Variants in KCTD16 observed in about 807,000 individuals in gnomAD.
KCTD16 encodes potassium channel tetramerization domain containing 16.
In KCTD16, 13 loss-of-function variants were observed where a neutral mutation model predicts 33.2. The observed-to-expected ratio is 0.39, with a 90% CI of 0.25 to 0.62. The LOEUF is 0.62. Ranked by LOEUF, KCTD16 falls within the 20% of genes least tolerant of loss-of-function variation. KCTD16 has a pLI of 0.50. For missense variants in KCTD16, 441 were observed against 525.1 expected (o/e 0.84, Z 1.57); for synonymous variants, 197 against 195.3 (o/e 1.01, Z -0.07).
intron 3 of KCTD16, among the ~76,000 whole-genome samples, chr5:144,364,905 G>A (rs1751797653): frequency 6.6e-6 from 1 of 152,066 alleles, no homozygotes; most frequent in Non-Finnish European, 1.5e-5. Flanking sequence ...AAGCAATCTG[G>A]GTAGTAGGTT....
intron 3 of KCTD16, among the ~76,000 whole-genome samples, chr5:144,250,905 G>A (rs879370483): frequency 2.0e-5 from 3 of 151,954 alleles, no homozygotes; most frequent in African/African-American, 7.3e-5. Context: ...TTTAGCATAT[G>A]GTAATTGAAA....
intron 3 of KCTD16, among the ~76,000 whole-genome samples, chr5:144,291,147 G>A (rs1256942408): frequency 6.6e-6 from 1 of 152,152 alleles, no homozygotes; most frequent in African/African-American, 2.4e-5. Flanking sequence ...AGCTGATGGA[G>A]CAGAAAGAGC....
chr5:144,372,080 G>A (rs923380955), intron 3 of KCTD16, among the ~76,000 whole-genome samples: 11 of 152,094 alleles, frequency 7.2e-5, no homozygotes, highest in African/African-American at 2.2e-4. Context: ...AGGAAGGGTC[G>A]GGAGGTTGCT....
rs1753176667 is a variant in KCTD16 at position 144,206,549 on chromosome 5, T to C, written c.-166T>C. Reference sequence around the variant, plus strand: ...TCAGCATCACTTCACCTGTGGACTCTTATACATTTTGATTTCTTGGGGGAA... The same window carrying C: ...TCAGCATCACTTCACCTGTGGACTCCTATACATTTTGATTTCTTGGGGGAA... On this transcript the variant is annotated 5_prime_UTR_variant, in exon 3 of 4. Transcript: ENST00000512467. 2 of 634,356 alleles carry C rather than the reference T, an allele frequency of 3.2e-6. No individual in the cohort carries two copies. The highest frequency in any genetic ancestry group is 5.5e-6 in the Non-Finnish European group (2 of 364,328). 39.3% of individuals were successfully genotyped at this position (634,356 alleles called of 1,614,324 possible). A position where few individuals can be genotyped will look rare whatever the true frequency, so the allele number is the denominator to read the frequency against.
intron 3 of KCTD16, among the ~76,000 whole-genome samples, chr5:144,422,011 G>C (rs1218819884): frequency 2.0e-5 from 3 of 152,034 alleles, no homozygotes; most frequent in Non-Finnish European, 4.4e-5. Context: ...TAAAAAACTT[G>C]GTATGAGTTC....
chr5:144,209,756 G>C (rs1580789705), intron 3 of KCTD16, among the ~76,000 whole-genome samples: 1 of 148,208 alleles, frequency 6.7e-6, no homozygotes, highest in Middle Eastern at 3.5e-3. Flanking sequence ...TTTTCACAAA[G>C]GAACTCAACT....
At chr5:144,299,076 T>A (rs1163377437) in intron 3 of KCTD16, among the ~76,000 whole-genome samples, 86 of 58,526 alleles carry the variant, frequency 1.5e-3, no homozygotes, top group Middle Eastern at 8.3e-3. Flanking sequence ...ATATATATTT[T>A]TGTATATATA....
At chr5:144,446,258 GGT>G (rs1753815324) in intron 3 of KCTD16, among the ~76,000 whole-genome samples, 1 of 151,584 alleles carries the variant, frequency 6.6e-6, no homozygotes, top group African/African-American at 2.4e-5. Flanking sequence ...AATCCTACAT[GGT>G]GATCTTTTTA....
intron 3 of KCTD16, among the ~76,000 whole-genome samples, chr5:144,283,556 T>A (rs1755663524): frequency 1.3e-5 from 2 of 152,220 alleles, no homozygotes; most frequent in South Asian, 4.1e-4. Context: ...AGTCCCTATA[T>A]TATGTACTAC....
intron 3 of KCTD16, among the ~76,000 whole-genome samples, chr5:144,359,047 C>A (rs887928417): frequency 6.6e-6 from 1 of 152,162 alleles, no homozygotes; most frequent in African/African-American, 2.4e-5. Context: ...ACACAGAGGG[C>A]ACTGAGGCTC....
rs2127003863 is a variant in KCTD16 at position 144,475,421 on chromosome 5, T to C, written c.*1307T>C. 1 of 152,446 alleles carries C rather than the reference T, an allele frequency of 6.6e-6. No individual in the cohort carries two copies. Among genetic ancestry groups the C allele is most frequent in the African/African-American group, 2.4e-5 (1 of 41,578 alleles). The allele number at this position is 152,446 out of a possible 1,614,324, so 9.4% of individuals were successfully genotyped here. A position where few individuals can be genotyped will look rare whatever the true frequency, so the allele number is the denominator to read the frequency against. ...AGAGTTAAGGTTTCAGATTTCTAAA[T>C]GAAACTATCTTTTTCAATTACATCC... On this transcript the variant is annotated 3_prime_UTR_variant, in exon 4 of 4. Transcript: ENST00000512467.
chr5:144,230,837 C>G (rs1754080530), intron 3 of KCTD16, among the ~76,000 whole-genome samples: 1 of 152,142 alleles, frequency 6.6e-6, no homozygotes, highest in African/African-American at 2.4e-5. Context: ...TAAGTAATGT[C>G]GTATAGAATA....
intron 3 of KCTD16, among the ~76,000 whole-genome samples, chr5:144,405,150 A>C (rs914821797): frequency 6.6e-6 from 1 of 152,220 alleles, no homozygotes; most frequent in African/African-American, 2.4e-5. Context: ...AATTTGAACC[A>C]CAACTTTCTA....
intron 3 of KCTD16, among the ~76,000 whole-genome samples, chr5:144,271,726 T>C (rs1167244828): frequency 9.2e-5 from 14 of 151,694 alleles, no homozygotes; most frequent in African/African-American, 3.4e-4. Flanking sequence ...TGTTTACAGA[T>C]GATGTGATCT....
intron 3 of KCTD16, among the ~76,000 whole-genome samples, chr5:144,391,330 T>G (rs561057912): frequency 1.3e-5 from 2 of 152,348 alleles, no homozygotes; most frequent in African/African-American, 4.8e-5. Flanking sequence ...GATATATTTA[T>G]AAAGCTGAAC....
At chr5:144,367,802 C>T (rs550042622) in intron 3 of KCTD16, among the ~76,000 whole-genome samples, 1 of 147,002 alleles carries the variant, frequency 6.8e-6, no homozygotes, top group East Asian at 2.0e-4. Flanking sequence ...CCCTTGCTTC[C>T]CTCCTTCTCT....
At chr5:144,316,987 C>A (rs1018578541) in intron 3 of KCTD16, among the ~76,000 whole-genome samples, 1 of 151,842 alleles carries the variant, frequency 6.6e-6, no homozygotes, top group Non-Finnish European at 1.5e-5. Context: ...GCCACAACGC[C>A]CAGCTAATTT....
chr5:144,180,041 T>C (rs1292531680), intron 2 of KCTD16, among the ~76,000 whole-genome samples: 1 of 152,166 alleles, frequency 6.6e-6, no homozygotes, highest in Non-Finnish European at 1.5e-5. Context: ...CTTGATGAGG[T>C]CATTACTGTG....
chr5:144,261,953 A>G (rs1371764067), intron 3 of KCTD16, among the ~76,000 whole-genome samples: 3 of 152,154 alleles, frequency 2.0e-5, no homozygotes, highest in Non-Finnish European at 4.4e-5. Flanking sequence ...AAACTCTTCT[A>G]TTTATCCATT....
Sources: gnomAD v4.1 joint callset for allele counts (sites outside exome capture counted in the v4.1 genomes callset) on GRCh38, gnomAD v4.1.1 for gene constraint, MANE v1.5 for transcripts, NCBI Gene and HGNC (gene_info 2026-07-23, HGNC 2026-07-21) for gene names.